The following SLC39A8 variants were observed in gnomAD, a reference collection of about 807,000 sequenced individuals.
SLC39A8 encodes the protein solute carrier family 39 member 8.
A neutral mutation model predicts 40.4 loss-of-function variants in SLC39A8; 15 were observed. The ratio of observed to expected loss-of-function variants is 0.37; its 90% CI spans 0.25 to 0.57. The LOEUF (loss-of-function observed/expected upper bound fraction) is 0.57, where lower values mean the gene tolerates loss of function less well. SLC39A8 is among the 20% of genes least tolerant of loss of function. The pLI, the probability that SLC39A8 is intolerant of heterozygous loss-of-function variation, is 0.75. For synonymous variants in SLC39A8, 223 were observed against 221.6 expected (o/e 1.01, Z -0.06); for missense variants, 472 against 558.8 (o/e 0.84, Z 1.57).
chr4:102,264,165 A>G (rs1731988090), intron 8 of SLC39A8, among the ~76,000 whole-genome samples: 1 of 152,210 alleles, frequency 6.6e-6, no homozygotes, highest in African/African-American at 2.4e-5. Context: ...ATCACTATCT[A>G]CAGCAACTAG....
At chr4:102,255,448 A>T (rs1731685842) in intron 11 of SLC39A8, among the ~76,000 whole-genome samples, 1 of 152,144 alleles carries the variant, frequency 6.6e-6, no homozygotes, top group African/African-American at 2.4e-5. Context: ...TTTTCTCAGC[A>T]TCCATCTCAT....
chr4:102,316,411 C>A (rs1479094946), intron 2 of SLC39A8, among the ~76,000 whole-genome samples: 2 of 152,058 alleles, frequency 1.3e-5, no homozygotes, highest in Non-Finnish European at 2.9e-5. Context: ...CGTTGGGTAA[C>A]TTTTCTATAT....
intron 4 of SLC39A8, among the ~76,000 whole-genome samples, chr4:102,306,140 C>A (rs1042468927): frequency 6.6e-6 from 1 of 151,894 alleles, no homozygotes; most frequent in Admixed American, 6.6e-5. Flanking sequence ...GAGATTATTA[C>A]AAAGACAGAT....
intron 2 of SLC39A8, among the ~76,000 whole-genome samples, chr4:102,327,933 C>A (rs1366658162): frequency 6.6e-6 from 1 of 152,160 alleles, no homozygotes; most frequent in African/African-American, 2.4e-5. Flanking sequence ...TTCCTAGAAT[C>A]AGTTTAATGT....
intron 6 of SLC39A8, among the ~76,000 whole-genome samples, chr4:102,286,332 A>G (rs543889322): frequency 6.6e-6 from 1 of 152,276 alleles, no homozygotes; most frequent in African/African-American, 2.4e-5. Flanking sequence ...AGCATGCATG[A>G]CAGAACAACA....
At chr4:102,273,275 A>G (rs1732453933) in intron 6 of SLC39A8, among the ~76,000 whole-genome samples, 1 of 152,192 alleles carries the variant, frequency 6.6e-6, no homozygotes, top group Non-Finnish European at 1.5e-5. Context: ...GGCATCTGCC[A>G]TTACTGAGGC....
chr4:102,336,636 A>T (rs1245671502), intron 2 of SLC39A8, among the ~76,000 whole-genome samples: 1 of 152,202 alleles, frequency 6.6e-6, no homozygotes, highest in Non-Finnish European at 1.5e-5. Context: ...ATCTAGACTC[A>T]ACAGATTTTT....
At chr4:102,258,631 G>A (rs7662378), downstream of SLC39A8, among the ~76,000 whole-genome samples, 26,721 of 152,048 alleles carry the variant, frequency 0.18, 2,610 homozygotes, top group South Asian at 0.35. Context: ...CCCTTCCAGG[G>A]TTAAGTGCTC....
intron 6 of SLC39A8, among the ~76,000 whole-genome samples, chr4:102,300,195 A>G (rs1029496746): frequency 6.6e-6 from 1 of 152,082 alleles, no homozygotes; most frequent in African/African-American, 2.4e-5. Flanking sequence ...GGCCTGGAGC[A>G]AAGGTATTAA....
Position 102,267,196 on chromosome 4 carries a change from C to T in SLC39A8, c.1233+294G>A, listed in dbSNP as rs72924827. 7.0e-3 allele frequency among the ~76,000 whole-genome samples: 1,058 copies of T among 151,324 alleles called. 16 individuals are homozygous for T. The highest frequency in any genetic ancestry group is 0.025 in the African/African-American group (1,005 of 40,658). On this transcript the variant is annotated intron_variant, in intron 8 of 8. Transcript: ENST00000356736. Reference sequence around the variant, plus strand: ...ATACTATAACATAAGACAAGATGTACCAACCACAAGGGGAATAGAGATAGA... The same window carrying T: ...ATACTATAACATAAGACAAGATGTATCAACCACAAGGGGAATAGAGATAGA...
At chr4:102,330,198 CA>C (rs550990479) in intron 2 of SLC39A8, among the ~76,000 whole-genome samples, 15 of 151,810 alleles carry the variant, frequency 9.9e-5, no homozygotes, top group African/African-American at 3.1e-4. Flanking sequence ...GACAGAGGCA[CA>C]AAAAAACCCT....
At chr4:102,256,984 A>G (rs1046655107), downstream of SLC39A8, among the ~76,000 whole-genome samples, 2 of 152,180 alleles carry the variant, frequency 1.3e-5, no homozygotes, top group Admixed American at 6.5e-5. Flanking sequence ...CACCAAAACC[A>G]AAGGAGGGGA....
chr4:102,258,389 C>T (rs1731762446), downstream of SLC39A8, among the ~76,000 whole-genome samples: 1 of 152,122 alleles, frequency 6.6e-6, no homozygotes, highest in Non-Finnish European at 1.5e-5. Context: ...CCTTCTCCTA[C>T]CCCTGGATGA....
chr4:102,336,264 A>G (rs568082267), intron 2 of SLC39A8, among the ~76,000 whole-genome samples: 4 of 152,244 alleles, frequency 2.6e-5, no homozygotes, highest in South Asian at 4.1e-4. Context: ...TTTTTTCTCA[A>G]TTTACGGATG....
At position 102,262,789 on chromosome 4, in the gene SLC39A8, G is replaced by A; in HGVS notation, c.*255C>T. Reference sequence around the variant, plus strand: ...TTCATGGTGATATCTAATATGCATGGAATACTGAAAAATAGGTATTTCCCA... The same window carrying A: ...TTCATGGTGATATCTAATATGCATGAAATACTGAAAAATAGGTATTTCCCA... On this transcript the variant is annotated 3_prime_UTR_variant, in exon 9 of 9. Coordinates refer to ENST00000356736, the MANE Select transcript of SLC39A8 (RefSeq NM_001135146.2). 8.3e-7 allele frequency: 1 copy of A among 1,209,940 alleles called. No individual in the cohort carries two copies. Among genetic ancestry groups the A allele is most frequent in the Non-Finnish European group, 1.0e-6 (1 of 969,954 alleles). The allele number at this position is 1,209,940 out of a possible 1,614,324, so 75.0% of individuals were successfully genotyped here.
At chr4:102,264,589 C>A (rs1388977201) in intron 8 of SLC39A8, among the ~76,000 whole-genome samples, 1 of 143,160 alleles carries the variant, frequency 7.0e-6, no homozygotes, top group Non-Finnish European at 1.5e-5. Flanking sequence ...TCAGCCTATC[C>A]TTTGAAGATT....
chr4:102,305,117 G>A lies in SLC39A8; in HGVS notation c.553-6C>T. ...TTGGGATCAAATCCAAATGCCTAAGGGAGAAAAAAGGGCAATTCAAGTAAA... is the reference window on the plus strand; with the variant it reads ...TTGGGATCAAATCCAAATGCCTAAGAGAGAAAAAAGGGCAATTCAAGTAAA... On this transcript the variant is annotated splice_polypyrimidine_tract_variant and splice_region_variant and intron_variant, in intron 4 of 8. Coordinates refer to ENST00000356736, the MANE Select transcript of SLC39A8 (RefSeq NM_001135146.2). 2 of 1,598,676 alleles carry A rather than the reference G, an allele frequency of 1.3e-6. No homozygotes were observed. Among genetic ancestry groups the A allele is most frequent in the Non-Finnish European group, 8.5e-7 (1 of 1,174,804 alleles).
chr4:102,311,110 A>G (rs1734407818), intron 3 of SLC39A8, among the ~76,000 whole-genome samples: 1 of 152,222 alleles, frequency 6.6e-6, no homozygotes, highest in East Asian at 1.9e-4. Context: ...GGTGTTTAAC[A>G]GTGTGAACTC....
intron 6 of SLC39A8, among the ~76,000 whole-genome samples, chr4:102,290,758 TAAGA>T (rs1390643078): frequency 2.0e-5 from 3 of 152,052 alleles, no homozygotes; most frequent in African/African-American, 7.2e-5. Context: ...TGAACCACAT[TAAGA>T]GAGAGCCTAT....
Sources: gnomAD v4.1 joint callset for allele counts (sites outside exome capture counted in the v4.1 genomes callset) on GRCh38, gnomAD v4.1.1 for gene constraint, MANE v1.5 for transcripts, NCBI Gene and HGNC (gene_info 2026-07-23, HGNC 2026-07-21) for gene names.